The following ACOXL variants were observed in gnomAD, a reference collection of about 807,000 sequenced individuals.
ACOXL encodes the protein acyl-CoA oxidase like.
ACOXL carries 70 observed loss-of-function variants against 71.9 expected under a neutral mutation model. The ratio of observed to expected loss-of-function variants is 0.97; its 90% CI spans 0.80 to 1.19. The LOEUF is 1.19. Among genes scored for constraint, ACOXL ranks in the 50% most tolerant of loss-of-function variants. ACOXL has a pLI of 0.00. For missense variants in ACOXL, 703 were observed against 736.3 expected (o/e 0.95, Z 0.52); for synonymous variants, 253 against 281.6 (o/e 0.90, Z 1.02).
intron 10 of ACOXL, among the ~76,000 whole-genome samples, chr2:110,863,799 C>T (rs1262552841): frequency 6.6e-6 from 1 of 152,116 alleles, no homozygotes; most frequent in Non-Finnish European, 1.5e-5. Flanking sequence ...TATTTGGGTC[C>T]TTCGTTTTGC....
At chr2:110,972,253 AAC>A (rs1469175843) in intron 12 of ACOXL, among the ~76,000 whole-genome samples, 2 of 152,194 alleles carry the variant, frequency 1.3e-5, no homozygotes, top group Admixed American at 6.5e-5. Flanking sequence ...GTGCACTAAG[AAC>A]ACACACAAGT....
intron 11 of ACOXL, among the ~76,000 whole-genome samples, chr2:110,915,576 A>G (rs1170576268): frequency 1.3e-5 from 2 of 151,262 alleles, no homozygotes; most frequent in Non-Finnish European, 1.5e-5. Context: ...GGCAACTGCA[A>G]CCACACCCAG....
chr2:110,975,557 TA>T (rs1183811325), intron 12 of ACOXL, among the ~76,000 whole-genome samples: 7 of 151,644 alleles, frequency 4.6e-5, no homozygotes, highest in African/African-American at 1.5e-4. Context: ...TCATCACACC[TA>T]AAAAAATGAG....
At chr2:110,865,958 G>A (rs527838031) in intron 10 of ACOXL, among the ~76,000 whole-genome samples, 4 of 151,960 alleles carry the variant, frequency 2.6e-5, no homozygotes, top group South Asian at 2.1e-4. Flanking sequence ...GCATTTCTCG[G>A]TGTATCTCAG....
chr2:111,104,955 T>G (rs572766824), intron 17 of ACOXL, among the ~76,000 whole-genome samples: 6 of 152,284 alleles, frequency 3.9e-5, no homozygotes, highest in African/African-American at 1.4e-4. Context: ...ATTTTATACT[T>G]TTACATTTTT....
chr2:111,004,087 T>C (rs2063765106), intron 14 of ACOXL, among the ~76,000 whole-genome samples: 1 of 152,212 alleles, frequency 6.6e-6, no homozygotes, highest in Non-Finnish European at 1.5e-5. Flanking sequence ...AATTTGAACA[T>C]CTGACCCAAA....
chr2:110,937,038 G>A (rs1477746527), intron 12 of ACOXL, among the ~76,000 whole-genome samples: 2 of 152,076 alleles, frequency 1.3e-5, no homozygotes, highest in Non-Finnish European at 2.9e-5. Context: ...GTAGAGATGG[G>A]GTTTTACCAT....
Position 110,841,291 on chromosome 2 carries a change from C to T in ACOXL, c.754-80C>T, listed in dbSNP as rs373946130. The T allele has an allele frequency of 2.0e-3, 2,020 of 1,013,032 alleles. 3 individuals carry two copies. The highest frequency in any genetic ancestry group is 2.8e-3 in the Non-Finnish European group (1,829 of 665,050). The allele number at this position is 1,013,032 out of a possible 1,614,324, so 62.8% of individuals were successfully genotyped here. On this transcript the variant is annotated intron_variant, in intron 9 of 17. Coordinates refer to ENST00000439055, the MANE Select transcript of ACOXL (RefSeq NM_001142807.4). ...AGAAAATCTTTAAAACGTAATTGGC[C>T]GTATCAAGTTAATTTTCTTGTGTGA...
At chr2:110,928,779 A>G (rs1272240394) in intron 11 of ACOXL, among the ~76,000 whole-genome samples, 1 of 152,202 alleles carries the variant, frequency 6.6e-6, no homozygotes, top group Non-Finnish European at 1.5e-5. Flanking sequence ...TAATTGAATC[A>G]TGGGGCTGGT....
At chr2:110,828,252 A>C (rs1022429225) in intron 9 of ACOXL, among the ~76,000 whole-genome samples, 1 of 152,224 alleles carries the variant, frequency 6.6e-6, no homozygotes, top group African/African-American at 2.4e-5. Context: ...GATTACAGGC[A>C]TGAGTCACTA....
intron 14 of ACOXL, among the ~76,000 whole-genome samples, chr2:111,010,787 A>G (rs2149667592): frequency 6.6e-6 from 1 of 152,318 alleles, no homozygotes; most frequent in Middle Eastern, 3.4e-3. Flanking sequence ...ATAGAAAGAT[A>G]TCTTTACCGT....
intron 17 of ACOXL, among the ~76,000 whole-genome samples, chr2:111,097,622 G>A (rs1450332396): frequency 6.6e-6 from 1 of 152,148 alleles, no homozygotes; most frequent in Non-Finnish European, 1.5e-5. Context: ...GAAAGTCCTT[G>A]AAAAACAAAC....
chr2:110,931,853 A>G (rs2060489108), intron 11 of ACOXL, among the ~76,000 whole-genome samples: 1 of 152,220 alleles, frequency 6.6e-6, no homozygotes, highest in South Asian at 2.1e-4. Context: ...CCACTTTGGA[A>G]AATTATTTGG....
rs374439510 is a variant in ACOXL at position 110,745,572 on chromosome 2, G to T, written c.-23+12798G>T. 2.6e-5 allele frequency among the ~76,000 whole-genome samples: 4 copies of T among 152,358 alleles called. 1 individual carries two copies. The highest frequency in any genetic ancestry group is 6.5e-5 in the Admixed American group (1 of 15,308). On this transcript the variant is annotated intron_variant, in intron 1 of 17. Transcript: ENST00000439055. Reference sequence around the variant, plus strand: ...GATTGAAGTAATGTCACAGAAGAGAGCCCGGGAAGCCACAGGTCAGGCATT... The same window carrying T: ...GATTGAAGTAATGTCACAGAAGAGATCCCGGGAAGCCACAGGTCAGGCATT...
chr2:110,862,626 G>A (rs184563779), intron 10 of ACOXL, among the ~76,000 whole-genome samples: 4 of 152,374 alleles, frequency 2.6e-5, no homozygotes. Context: ...TTGGGCGGAA[G>A]CCCAGAGGGA....
intron 10 of ACOXL, among the ~76,000 whole-genome samples, chr2:110,899,304 A>G (rs1339665474): frequency 1.3e-5 from 2 of 152,206 alleles, no homozygotes; most frequent in South Asian, 2.1e-4. Flanking sequence ...TTGATTACCT[A>G]TTGACTCATG....
intron 7 of ACOXL, among the ~76,000 whole-genome samples, chr2:110,801,357 G>A (rs959936881): frequency 2.6e-5 from 4 of 152,172 alleles, no homozygotes; most frequent in South Asian, 2.1e-4. Context: ...GTCACTGCTC[G>A]GGAGGTAGGT....
At chr2:111,092,503 G>A (rs1486293868) in intron 16 of ACOXL, among the ~76,000 whole-genome samples, 2 of 152,232 alleles carry the variant, frequency 1.3e-5, no homozygotes, top group South Asian at 2.1e-4. Flanking sequence ...TATCTTTCAC[G>A]TGGACTTTGC....
chr2:110,988,247 G>A (rs2063020198), intron 13 of ACOXL, among the ~76,000 whole-genome samples: 2 of 152,294 alleles, frequency 1.3e-5, no homozygotes, highest in South Asian at 4.1e-4. Context: ...AGACCAGCCT[G>A]GGCAATATGG....
Sources: gnomAD v4.1 joint callset for allele counts (sites outside exome capture counted in the v4.1 genomes callset) on GRCh38, gnomAD v4.1.1 for gene constraint, MANE v1.5 for transcripts, NCBI Gene and HGNC (gene_info 2026-07-23, HGNC 2026-07-21) for gene names.